Variants in PLXDC2 observed in about 807,000 individuals in gnomAD.
PLXDC2 encodes plexin domain-containing protein 2.
A neutral mutation model predicts 68.9 loss-of-function variants in PLXDC2; 40 were observed. The observed-to-expected ratio is 0.58, with a 90% confidence interval of 0.45 to 0.76. The LOEUF (loss-of-function observed/expected upper bound fraction) is 0.76. Among genes scored for constraint, PLXDC2 ranks in the 30% least tolerant of loss-of-function variants. The pLI is 0.00. For synonymous variants in PLXDC2, 243 were observed against 234.2 expected (o/e 1.04, Z -0.34); for missense variants, 644 against 661.9 (o/e 0.97, Z 0.30).
At chr10:20,241,423 GGGAAGTAGCAACC>G (rs149491878) in intron 12 of PLXDC2, among the ~76,000 whole-genome samples, 126 of 152,256 alleles carry the variant, frequency 8.3e-4, no homozygotes, top group Middle Eastern at 3.4e-3. Flanking sequence ...CAGCACATTT[GGGAAGTAGCAACC>G]TGAGGTCAAC....
chr10:20,002,048 CT>C, intron 2 of PLXDC2, 62 bp downstream of exon 2: 1 of 1,489,994 alleles, frequency 6.7e-7, no homozygotes, highest in Non-Finnish European at 9.2e-7. Context: ...AGGTGCCCAA[CT>C]TTTATATAGA....
intron 6 of PLXDC2, among the ~76,000 whole-genome samples, chr10:20,156,294 TAACTC>T (rs1834216330): frequency 2.0e-5 from 3 of 152,200 alleles, no homozygotes; most frequent in Admixed American, 1.3e-4. Flanking sequence ...TGAGCAGTCT[TAACTC>T]AGAGGGCACA....
At chr10:20,137,377 C>G (rs1245265335) in intron 4 of PLXDC2, among the ~76,000 whole-genome samples, 1 of 152,132 alleles carries the variant, frequency 6.6e-6, no homozygotes, top group Non-Finnish European at 1.5e-5. Flanking sequence ...GTAACTTAGT[C>G]ACATCACTAG....
intron 2 of PLXDC2, among the ~76,000 whole-genome samples, chr10:20,025,253 C>G (rs1039078949): frequency 7.3e-6 from 1 of 137,284 alleles, no homozygotes; most frequent in Non-Finnish European, 1.5e-5. Context: ...TAGCCAGCAT[C>G]TATTGTTTTT....
intron 4 of PLXDC2, among the ~76,000 whole-genome samples, chr10:20,119,379 C>T (rs1043044502): frequency 2.0e-5 from 3 of 147,530 alleles, no homozygotes; most frequent in Non-Finnish European, 3.0e-5. Flanking sequence ...TGTTCTCTGG[C>T]GGGCAGGAGT....
intron 1 of PLXDC2, among the ~76,000 whole-genome samples, chr10:19,840,816 T>C (rs757653598): frequency 6.6e-6 from 1 of 152,288 alleles, no homozygotes; most frequent in African/African-American, 2.4e-5. Flanking sequence ...ATAATTGGTA[T>C]ATAATTTCAA....
chr10:20,177,122 A>G (rs1252408162), intron 8 of PLXDC2, 28 bp downstream of exon 8: 1 of 1,524,050 alleles, frequency 6.6e-7, no homozygotes, highest in Admixed American at 1.7e-5. Context: ...CCTAGGTGGA[A>G]AACATGATTT....
intron 1 of PLXDC2, among the ~76,000 whole-genome samples, chr10:19,844,164 A>G (rs1268523845): frequency 2.0e-5 from 3 of 152,192 alleles, no homozygotes; most frequent in African/African-American, 4.8e-5. Context: ...AATTACCTCA[A>G]TTTCTCTCTT....
chr10:19,939,321 T>TGG (rs1833778319), intron 1 of PLXDC2, among the ~76,000 whole-genome samples: 1 of 152,240 alleles, frequency 6.6e-6, no homozygotes, highest in East Asian at 1.9e-4. Context: ...CAGATTGAGT[T>TGG]GGGGGAACAG....
At chr10:20,200,047 G>T (rs938419887) in intron 9 of PLXDC2, among the ~76,000 whole-genome samples, 2 of 151,756 alleles carry the variant, frequency 1.3e-5, no homozygotes, top group African/African-American at 4.8e-5. Flanking sequence ...AGGTAGGAGA[G>T]GCTTTTCTGA....
intron 1 of PLXDC2, among the ~76,000 whole-genome samples, chr10:19,989,383 G>A (rs1174909049): frequency 6.6e-6 from 1 of 152,002 alleles, no homozygotes. Context: ...ATAGCCTCTA[G>A]TATCAAATTA....
At chr10:19,947,886 C>T (rs1241446281) in intron 1 of PLXDC2, among the ~76,000 whole-genome samples, 2 of 152,052 alleles carry the variant, frequency 1.3e-5, no homozygotes, top group Non-Finnish European at 1.5e-5. Flanking sequence ...AGGAAAGTCC[C>T]TTTCTTATTG....
chr10:20,217,457 C>T lies in PLXDC2; in HGVS notation c.1154C>T (p.Pro385Leu), dbSNP rs1166727175. ...SKEKMCENTE[P>L]VETSSRTTTT... The stretch of plus-strand genomic sequence containing the variant: ...GAGAAGATGTGTGAGAATACAGAAC[C>T]AGTGGAAACTTCTTCTCGAACCACC... The change falls in exon 11 of 14, where the codon CCA becomes CTA. Residue 385 changes from proline to leucine, a missense_variant. Pro to Leu is a moderately conservative substitution (Grantham distance 98). Around this residue, in one of 3 missense-constraint regions of PLXDC2, gnomAD observed 330 missense variants for 327.9 expected, o/e 1.01. Transcript: ENST00000377252. 6.2e-7 allele frequency: 1 copy of T among 1,612,520 alleles called. No individual in the cohort carries two copies. Among genetic ancestry groups the T allele is most frequent in the Admixed American group, 1.7e-5 (1 of 59,904 alleles).
At chr10:20,221,204 A>T (rs368036025) in intron 12 of PLXDC2, among the ~76,000 whole-genome samples, 1 of 152,190 alleles carries the variant, frequency 6.6e-6, no homozygotes, top group Non-Finnish European at 1.5e-5. Context: ...ACTTTGATAA[A>T]GAGTTTTCTA....
intron 4 of PLXDC2, among the ~76,000 whole-genome samples, chr10:20,071,494 C>A (rs1030220771): frequency 6.6e-6 from 1 of 152,160 alleles, no homozygotes; most frequent in African/African-American, 2.4e-5. Context: ...GAATAAGTCT[C>A]AGGAGATCTG....
At chr10:20,019,176 T>TAGC (rs35829737) in intron 2 of PLXDC2, among the ~76,000 whole-genome samples, 82,888 of 151,710 alleles carry the variant, frequency 0.55, 22,858 homozygotes, top group East Asian at 0.63. Context: ...GAAAACCAAA[T>TAGC]TGACTGTTTT....
chr10:19,837,933 C>A (rs1836829985), intron 1 of PLXDC2, among the ~76,000 whole-genome samples: 1 of 152,090 alleles, frequency 6.6e-6, no homozygotes, highest in Non-Finnish European at 1.5e-5. Flanking sequence ...TTTCCTCTGT[C>A]CATTACTTGC....
chr10:20,099,324 A>G (rs947985801), intron 4 of PLXDC2, among the ~76,000 whole-genome samples: 4 of 152,152 alleles, frequency 2.6e-5, no homozygotes, highest in Admixed American at 6.5e-5. Context: ...TGTTCATTCT[A>G]TTTTAGAAAT....
At chr10:19,903,753 G>C (rs986078928) in intron 1 of PLXDC2, among the ~76,000 whole-genome samples, 1 of 148,844 alleles carries the variant, frequency 6.7e-6, no homozygotes, top group Non-Finnish European at 1.5e-5. Flanking sequence ...TGTTTCTCCA[G>C]CTCCATGAGG....
Sources: allele counts gnomAD v4.1 joint callset (sites outside exome capture counted in the v4.1 genomes callset), GRCh38; gene constraint gnomAD v4.1.1; regional missense constraint gnomAD v4.1.1; transcripts MANE v1.5; gene names NCBI Gene and HGNC (gene_info 2026-07-23, HGNC 2026-07-21).